The following ITGB5 variants were observed in gnomAD, a reference collection of about 807,000 sequenced individuals.
ITGB5 encodes the protein integrin beta-5.
Under a neutral mutation model 84.8 loss-of-function variants are expected in ITGB5, and 38 were observed. That is an observed-to-expected ratio of 0.45 (90% confidence interval 0.35 to 0.59). The LOEUF is 0.59. Among genes scored for constraint, ITGB5 ranks in the 20% least tolerant of loss-of-function variants. The pLI, the probability that ITGB5 is intolerant of heterozygous loss-of-function variation, is 0.01. For synonymous variants in ITGB5, 393 were observed against 414.4 expected (o/e 0.95, Z 0.63); for missense variants, 905 against 1,034.5 (o/e 0.87, Z 1.72).
intron 3 of ITGB5, among the ~76,000 whole-genome samples, chr3:124,851,986 G>A (rs560168184): frequency 6.6e-6 from 1 of 152,324 alleles, no homozygotes; most frequent in South Asian, 2.1e-4. Context: ...TGCACTTTCT[G>A]CTGAGAGAAG....
intron 10 of ITGB5, among the ~76,000 whole-genome samples, chr3:124,778,160 C>CATAG (rs1439713567): frequency 6.6e-6 from 1 of 152,206 alleles, no homozygotes; most frequent in Non-Finnish European, 1.5e-5. Context: ...TTTCATTACA[C>CATAG]ATAGATAGGG....
In ITGB5 at chr3:124,809,065, T is replaced by C. The variant is rs986547701; in HGVS notation, c.1220A>G (p.Tyr407Cys). The C allele has an allele frequency of 1.2e-6, 2 of 1,614,126 alleles. No individual in the cohort carries two copies. Among genetic ancestry groups the C allele is most frequent in the Middle Eastern group, 1.6e-4 (1 of 6,062 alleles). The part of the protein sequence containing the change: ...FTATCQDGVS[Y>C]PGQRKCEGLK... Reference sequence around the variant, plus strand: ...ACCCTCACACTTCCTCTGACCAGGATAGGATACCCCATCTTGGCAGGTAGC... The same window carrying C: ...ACCCTCACACTTCCTCTGACCAGGACAGGATACCCCATCTTGGCAGGTAGC... Residue 407 changes from tyrosine to cysteine, a missense_variant, in exon 9 of 15, where the codon TAT becomes TGT. Physicochemically the swap from Tyr to Cys is radical, Grantham distance 194. This residue lies in a region of ITGB5 where 656 missense variants were observed against 734.7 expected (regional missense o/e 0.89). Transcript: ENST00000296181.
rs63519160 is a variant in ITGB5 at position 124,874,078 on chromosome 3, A to C, written c.71-547T>G. On this transcript the variant is annotated intron_variant, in intron 1 of 14. Transcript: ENST00000296181. ...ATAGGTCAAATAAAAAAAAAAAAAA[A>C]CCCAAGGCTAGGCATGGTGGCTCAT... Among the ~76,000 whole-genome samples, 502 of 131,408 alleles carry C rather than the reference A, an allele frequency of 3.8e-3. 11 individuals carry two copies. The East Asian group carries it at 0.057, about 15-fold the overall frequency. The allele number at this position is 131,408 out of a possible 152,430, so 86.2% of individuals were successfully genotyped here. A position where few individuals can be genotyped will look rare whatever the true frequency, so the allele number is the denominator to read the frequency against.
chr3:124,767,567 T>C lies in ITGB5; in HGVS notation c.2018-1222A>G, dbSNP rs533685233. The stretch of plus-strand genomic sequence containing the variant: ...AAGGCATTGTTTCCTTCTCTGACCA[T>C]GTGTGCCTAGTTAGGGGCAACCAGC... On this transcript the variant is annotated intron_variant, in intron 12 of 14. Coordinates refer to ENST00000296181, the MANE Select transcript of ITGB5 (RefSeq NM_002213.5). 5.6e-4 allele frequency among the ~76,000 whole-genome samples: 85 copies of C among 152,274 alleles called. 1 individual carries two copies. The South Asian group carries it at 0.017, about 30-fold the overall frequency.
intron 2 of ITGB5, among the ~76,000 whole-genome samples, chr3:124,873,184 C>T (rs965586785): frequency 6.6e-6 from 1 of 152,182 alleles, no homozygotes; most frequent in African/African-American, 2.4e-5. Context: ...TGAATCCTAA[C>T]TGGTCTCCAA....
intron 1 of ITGB5, among the ~76,000 whole-genome samples, chr3:124,879,424 G>A (rs1000485779): frequency 6.6e-6 from 1 of 152,194 alleles, no homozygotes; most frequent in Non-Finnish European, 1.5e-5. Flanking sequence ...CCCTGAACCA[G>A]GCCCTCACAT....
chr3:124,888,447 GC>G (rs1447185136), upstream of ITGB5, among the ~76,000 whole-genome samples: 2 of 152,158 alleles, frequency 1.3e-5, no homozygotes, highest in Non-Finnish European at 2.9e-5. Flanking sequence ...GATGCCTTGG[GC>G]TTGGATTCGC....
chr3:124,890,811 A>G (rs1304023155), upstream of ITGB5, among the ~76,000 whole-genome samples: 1 of 152,138 alleles, frequency 6.6e-6, no homozygotes, highest in Non-Finnish European at 1.5e-5. Context: ...ACTGGTTTAG[A>G]GATGCCTTTG....
chr3:124,809,323 C>T (rs2064460953), intron 8 of ITGB5, 167 bp from the exon 9 acceptor site: 1 of 634,658 alleles, frequency 1.6e-6, no homozygotes. Context: ...CCTTTCCCTT[C>T]TCTCTGCACT....
rs200034715 is a variant in ITGB5, at chr3:124,884,212, AAAAAAAAAAAAG to A, written c.70+2707_70+2718del. ...AGAAAACAAAGAAGGGAAGGGAAGC[AAAAAAAAAAAAG>A]AAAAAAAAAAAGAATGTTGAAGTTA... On this transcript the variant is annotated intron_variant, in intron 1 of 14. Transcript: ENST00000296181. 4.3e-4 allele frequency among the ~76,000 whole-genome samples: 19 copies of A among 43,846 alleles called. No individual in the cohort carries two copies. In the East Asian group the frequency reaches 0.027, roughly 63 times the overall value. The allele number at this position is 43,846 out of a possible 152,430, so 28.8% of individuals were successfully genotyped here.
chr3:124,896,578 G>A (rs1935105064), intron 1 of ITGB5, among the ~76,000 whole-genome samples: 1 of 151,832 alleles, frequency 6.6e-6, no homozygotes, highest in Non-Finnish European at 1.5e-5. Flanking sequence ...TATGGTGAAA[G>A]CTCGTCTCAT....
chr3:124,780,005 C>T (rs143021593), intron 10 of ITGB5, among the ~76,000 whole-genome samples: 1 of 152,202 alleles, frequency 6.6e-6, no homozygotes, highest in Non-Finnish European at 1.5e-5. Context: ...TGAGCCTTGG[C>T]GGGGAGGCTC....
chr3:124,796,238 C>G (rs368350809), intron 10 of ITGB5, 150 bp downstream of exon 10: 8 of 734,162 alleles, frequency 1.1e-5, no homozygotes, highest in Admixed American at 7.1e-5. Context: ...CTCCTGCCTA[C>G]GGGTAGCAAG....
intron 2 of ITGB5, among the ~76,000 whole-genome samples, chr3:124,870,892 AT>A (rs910718987): frequency 1.2e-3 from 185 of 151,534 alleles, no homozygotes; most frequent in African/African-American, 3.6e-3. Flanking sequence ...AAACTGATTA[AT>A]TTTTTTTTCT....
At chr3:124,765,538 G>GC (rs936930823) in intron 13 of ITGB5, among the ~76,000 whole-genome samples, 3 of 152,346 alleles carry the variant, frequency 2.0e-5, no homozygotes, top group African/African-American at 7.2e-5. Context: ...GCTCCTTGCT[G>GC]CCTTTGGCTG....
At chr3:124,851,358 G>C (rs191128691) in intron 3 of ITGB5, among the ~76,000 whole-genome samples, 1 of 152,058 alleles carries the variant, frequency 6.6e-6, no homozygotes, top group Non-Finnish European at 1.5e-5. Flanking sequence ...CTTTGGCCTC[G>C]GTTTTCCCAA....
intron 10 of ITGB5, among the ~76,000 whole-genome samples, chr3:124,779,337 G>T (rs1467917408): frequency 2.6e-5 from 4 of 152,164 alleles, no homozygotes. Flanking sequence ...GAGCAAAGGG[G>T]ATGGAAGGCA....
chr3:124,773,616 C>T (rs1431616103), intron 11 of ITGB5, 74 bp downstream of exon 11: 2 of 1,453,088 alleles, frequency 1.4e-6, no homozygotes, highest in African/African-American at 2.8e-5. Context: ...CTAGCCGGCC[C>T]TGAGGGCTGC....
intron 2 of ITGB5, among the ~76,000 whole-genome samples, chr3:124,866,288 C>T (rs1176723080): frequency 1.3e-5 from 2 of 152,160 alleles, no homozygotes; most frequent in Admixed American, 1.3e-4. Context: ...CAGCTCCCTA[C>T]ATATTTTTTG....
Sources: gnomAD v4.1 joint callset for allele counts (sites outside exome capture counted in the v4.1 genomes callset) on GRCh38, gnomAD v4.1.1 for gene constraint, gnomAD v4.1.1 regional missense constraint, MANE v1.5 for transcripts, NCBI Gene and HGNC (gene_info 2026-07-23, HGNC 2026-07-21) for gene names.